Variants in FAM185A observed in about 807,000 individuals in gnomAD.
The protein encoded by FAM185A is protein FAM185A.
FAM185A carries 21 observed loss-of-function variants against 45.7 expected under a neutral mutation model. The ratio of observed to expected loss-of-function variants is 0.46; its 90% CI spans 0.33 to 0.66. The LOEUF (loss-of-function observed/expected upper bound fraction) is 0.66, where lower values mean the gene tolerates loss of function less well. Ranked by LOEUF, FAM185A falls within the 30% of genes least tolerant of loss-of-function variation. The pLI is 0.03. For missense variants in FAM185A, 305 were observed against 485.4 expected, an observed-to-expected ratio of 0.63 and a Z score of 3.49; for synonymous variants, 117 against 194.0, an observed-to-expected ratio of 0.60 and a Z score of 3.30.
chr7:102,769,647 C>T (rs144236098), intron 4 of FAM185A, among the ~76,000 whole-genome samples: 1,584 of 152,208 alleles, frequency 0.01, 23 homozygotes, highest in Middle Eastern at 0.027. Context: ...TTTTCTGTTG[C>T]TATAACAGAA....
At chr7:102,819,387 G>C in the FAM185A span, among the ~76,000 whole-genome samples, 2 of 152,154 alleles carry the variant, frequency 1.3e-5, no homozygotes, top group Non-Finnish European at 2.9e-5. Context: ...TAGAATGCCA[G>C]CCATATCTTC....
At chr7:102,833,133 C>A in the FAM185A span, among the ~76,000 whole-genome samples, 5 of 152,214 alleles carry the variant, frequency 3.3e-5, no homozygotes, top group Non-Finnish European at 5.9e-5. Context: ...TTACATCCAA[C>A]ATCTGTTTAT....
chr7:102,762,301 G>C (rs1259685486), intron 4 of FAM185A, among the ~76,000 whole-genome samples: 2 of 152,174 alleles, frequency 1.3e-5, no homozygotes, highest in Non-Finnish European at 2.9e-5. Flanking sequence ...GAAAATAAGA[G>C]TATAATGATG....
chr7:102,832,834 A>G, the FAM185A span: 1 of 1,614,036 alleles, frequency 6.2e-7, no homozygotes, highest in East Asian at 2.2e-5. Context: ...TGACTCCTGC[A>G]CATACCTTTG....
At chr7:102,828,407 A>G in the FAM185A span, among the ~76,000 whole-genome samples, 7 of 152,284 alleles carry the variant, frequency 4.6e-5, no homozygotes, top group Admixed American at 6.5e-5. Flanking sequence ...CCTTATGGTC[A>G]TTTTAAAACC....
chr7:102,848,273 G>GTGTGTACGGATATTATATAA, the FAM185A span, among the ~76,000 whole-genome samples: 6 of 116,164 alleles, frequency 5.2e-5, no homozygotes, highest in South Asian at 2.7e-4. Context: ...ATACACATTC[G>GTGTGTACGGATATTATATAA]AGGCCGGGCG....
At chr7:102,826,851 A>G in the FAM185A span, among the ~76,000 whole-genome samples, 1 of 144,808 alleles carries the variant, frequency 6.9e-6, no homozygotes, top group East Asian at 2.0e-4. Context: ...TATATAATAT[A>G]TATATTTCCA....
At chr7:102,799,302 G>C (rs1796631230) in intron 7 of FAM185A, among the ~76,000 whole-genome samples, 1 of 152,196 alleles carries the variant, frequency 6.6e-6, no homozygotes, top group South Asian at 2.1e-4. Context: ...AAGAGAAGAA[G>C]AGGGAAAAAG....
At chr7:102,825,191 TG>T in the FAM185A span, among the ~76,000 whole-genome samples, 1 of 152,174 alleles carries the variant, frequency 6.6e-6, no homozygotes, top group African/African-American at 2.4e-5. Flanking sequence ...ATGGTTTGAA[TG>T]TTTGTTCCCT....
At chr7:102,817,808 C>G in the FAM185A span, among the ~76,000 whole-genome samples, 1 of 152,144 alleles carries the variant, frequency 6.6e-6, no homozygotes. Context: ...AATTCTTTGA[C>G]TGCATTCCAT....
intron 7 of FAM185A, among the ~76,000 whole-genome samples, chr7:102,800,767 G>A (rs1008639994): frequency 3.3e-5 from 5 of 152,136 alleles, no homozygotes; most frequent in Admixed American, 6.5e-5. Context: ...AATAATTGGT[G>A]TTCCTGAGGA....
intron 2 of FAM185A, among the ~76,000 whole-genome samples, chr7:102,752,643 C>T (rs1177965506): frequency 1.3e-5 from 2 of 148,836 alleles, no homozygotes; most frequent in African/African-American, 2.5e-5. Flanking sequence ...CCAGGCTGGT[C>T]TTGCACTCAT....
At chr7:102,784,920 A>G (rs1384286340) in intron 6 of FAM185A, among the ~76,000 whole-genome samples, 3 of 152,224 alleles carry the variant, frequency 2.0e-5, no homozygotes, top group Non-Finnish European at 2.9e-5. Context: ...ACATGATTGT[A>G]TATCTAGAAA....
intron 5 of FAM185A, among the ~76,000 whole-genome samples, chr7:102,773,920 G>A (rs1794905464): frequency 6.6e-6 from 1 of 152,070 alleles, no homozygotes; most frequent in African/African-American, 2.4e-5. Flanking sequence ...TCTTTGGTAA[G>A]TCTGTAAATC....
chr7:102,846,637 A>G, the FAM185A span, among the ~76,000 whole-genome samples: 1 of 150,110 alleles, frequency 6.7e-6, no homozygotes. Flanking sequence ...AAAAAATCTG[A>G]AATGAGATGG....
At chr7:102,826,217 G>GA in the FAM185A span, among the ~76,000 whole-genome samples, 6 of 151,970 alleles carry the variant, frequency 3.9e-5, no homozygotes, top group African/African-American at 1.2e-4. Flanking sequence ...ACGATCCCAA[G>GA]AAAAAACCCG....
At chr7:102,782,715 A>T (rs1197132245) in intron 6 of FAM185A, among the ~76,000 whole-genome samples, 1 of 152,190 alleles carries the variant, frequency 6.6e-6, no homozygotes. Context: ...TGTGAAGACC[A>T]TCGAGGCTAG....
In FAM185A at chr7:102,809,161, A is replaced by G. The variant is rs1187321581; in HGVS notation, c.*759A>G. The stretch of plus-strand genomic sequence containing the variant: ...GTAGCTCTCACATGACAGGTTTTCT[A>G]CTTAGTACCTTTTATGGCATCAATG... On this transcript the variant is annotated 3_prime_UTR_variant, in exon 8 of 8. Transcript: ENST00000413034. 6.6e-6 allele frequency: 1 copy of G among 152,216 alleles called. No homozygotes were observed. The highest frequency in any genetic ancestry group is 6.5e-5 in the Admixed American group (1 of 15,282). The allele number at this position is 152,216 out of a possible 1,614,324, so 9.4% of individuals were successfully genotyped here.
intron 4 of FAM185A, among the ~76,000 whole-genome samples, chr7:102,768,423 T>G (rs898477171): frequency 1.6e-5 from 2 of 126,728 alleles, no homozygotes; most frequent in Admixed American, 1.8e-4. Context: ...CATCTCTGGT[T>G]TTCTATAAAT....
Sources: gnomAD v4.1 joint callset for allele counts (sites outside exome capture counted in the v4.1 genomes callset) on GRCh38, gnomAD v4.1.1 for gene constraint, MANE v1.5 for transcripts, NCBI Gene and HGNC (gene_info 2026-07-23, HGNC 2026-07-21) for gene names.